The following KCNQ1 variants were observed in gnomAD, a reference collection of about 807,000 sequenced individuals.
KCNQ1 encodes potassium voltage-gated channel subfamily KQT member 1.
A neutral mutation model predicts 72.4 loss-of-function variants in KCNQ1; 49 were observed. The observed-to-expected ratio is 0.68, with a 90% CI of 0.54 to 0.86. The LOEUF (loss-of-function observed/expected upper bound fraction) is 0.86. Ranked by LOEUF, KCNQ1 falls within the 40% of genes least tolerant of loss-of-function variation. KCNQ1 has a pLI of 0.00. For synonymous variants in KCNQ1, 450 were observed against 412.6 expected (o/e 1.09, Z -1.10); for missense variants, 790 against 945.1 (o/e 0.84, Z 2.15).
intron 15 of KCNQ1, among the ~76,000 whole-genome samples, chr11:2,780,013 G>T (rs1846793248): frequency 6.6e-6 from 1 of 152,230 alleles, no homozygotes; most frequent in African/African-American, 2.4e-5. Flanking sequence ...GATTCTGGTA[G>T]ATTCTGCATG....
At chr11:2,758,941 T>G (rs546356658) in intron 11 of KCNQ1, among the ~76,000 whole-genome samples, 1 of 152,252 alleles carries the variant, frequency 6.6e-6, no homozygotes, top group South Asian at 2.1e-4. Context: ...GTCTTTCTGG[T>G]GGGGAGGACT....
chr11:2,751,873 G>C (rs373469909), intron 11 of KCNQ1, among the ~76,000 whole-genome samples: 9 of 152,250 alleles, frequency 5.9e-5, no homozygotes, highest in African/African-American at 2.2e-4. Context: ...GGCCCGGCCA[G>C]CTTTGCCCTA....
Position 2,664,087 on chromosome 11 carries a change from A to G in KCNQ1, c.1514+2006A>G. ...AGTGATAAGTGGGCCCAGGCAGGTC[A>G]GAGACTCCAGTCATTACCCAACCAG... On this transcript the variant is annotated intron_variant, in intron 11 of 15. Transcript: ENST00000155840. This position sits in a 1 kb window ranked among gnomAD's most constrained non-coding sequence, Gnocchi z 5.1. 2.5e-6 allele frequency: 1 copy of G among 398,770 alleles called. No homozygotes were observed. The highest frequency in any genetic ancestry group is 3.6e-5 in the East Asian group (1 of 28,084). 24.7% of individuals were successfully genotyped at this position (398,770 alleles called of 1,614,324 possible).
intron 1 of KCNQ1, among the ~76,000 whole-genome samples, chr11:2,506,915 T>G (rs530923500): frequency 9.8e-4 from 149 of 152,318 alleles, no homozygotes; most frequent in Middle Eastern, 3.4e-3. Context: ...TCCATTGGGT[T>G]TTTGGTTCTT....
Position 2,687,912 on chromosome 11 carries a change from C to T in KCNQ1, c.1514+25831C>T. ...AAATCCTGGTGGGATGGAAAATCCCCAGCAGTTGTGAGGCTGCACTTCTCC... is the reference window on the plus strand; with the variant it reads ...AAATCCTGGTGGGATGGAAAATCCCTAGCAGTTGTGAGGCTGCACTTCTCC... On this transcript the variant is annotated intron_variant, in intron 11 of 15. Transcript: ENST00000155840. This position sits in a 1 kb window ranked among gnomAD's most constrained non-coding sequence, Gnocchi z 5.0. The T allele has an allele frequency of 1.0e-5, 4 of 398,724 alleles. No individual in the cohort carries two copies. Among genetic ancestry groups the T allele is most frequent in the Non-Finnish European group, 1.3e-5 (3 of 226,116 alleles). 24.7% of individuals were successfully genotyped at this position (398,724 alleles called of 1,614,324 possible).
At chr11:2,618,843 G>A (rs534879363) in intron 10 of KCNQ1, 47 of 398,044 alleles carry the variant, frequency 1.2e-4, no homozygotes, top group Non-Finnish European at 1.9e-4. Context: ...TTTGTATCTT[G>A]TTTAATTTCT....
chr11:2,771,232 G>A (rs543379419), intron 12 of KCNQ1: 1 of 152,400 alleles, frequency 6.6e-6, no homozygotes, highest in Non-Finnish European at 1.5e-5. Flanking sequence ...CTAGCTCCAG[G>A]GGTGGTGTGG....
chr11:2,688,584 G>A (rs992780495), intron 11 of KCNQ1: 14 of 398,584 alleles, frequency 3.5e-5, no homozygotes, highest in Non-Finnish European at 4.0e-5. Flanking sequence ...GCCAGTGCTC[G>A]CTCACTGAGG....
chr11:2,839,108 C>T (rs568134700), intron 15 of KCNQ1, among the ~76,000 whole-genome samples: 11 of 152,302 alleles, frequency 7.2e-5, no homozygotes, highest in South Asian at 2.1e-4. Context: ...CTCCTGAGGC[C>T]GGGCTAGGGA....
chr11:2,675,896 A>G, intron 11 of KCNQ1: 1 of 398,690 alleles, frequency 2.5e-6, no homozygotes, highest in Non-Finnish European at 4.4e-6. Context: ...TATGTATTCA[A>G]GGGTTGTGCT....
Position 2,481,127 on chromosome 11 carries a change from C to T in KCNQ1, c.386+35643C>T, listed in dbSNP as rs562497539. On this transcript the variant is annotated intron_variant, in intron 1 of 15. Coordinates refer to ENST00000155840, the MANE Select transcript of KCNQ1 (RefSeq NM_000218.3). The surrounding 1 kb of genome is among the most constrained non-coding windows in gnomAD (Gnocchi z 4.6). ...TGGTCTCTTCTGCAGTGAACTGATG[C>T]GATGTGTGATGTCACTAGTTCTCAT... 2.2e-4 allele frequency among the ~76,000 whole-genome samples: 34 copies of T among 152,272 alleles called. No individual in the cohort carries two copies. The highest frequency in any genetic ancestry group is 3.4e-3 in the Middle Eastern group (1 of 294).
chr11:2,726,141 T>G (rs1029607090), intron 11 of KCNQ1, among the ~76,000 whole-genome samples: 1 of 152,202 alleles, frequency 6.6e-6, no homozygotes, highest in Non-Finnish European at 1.5e-5. Context: ...GAGGACCACC[T>G]GCCTGCTCCA....
chr11:2,634,232 C>A (rs1305242061), intron 10 of KCNQ1: 1 of 390,226 alleles, frequency 2.6e-6, no homozygotes, highest in Non-Finnish European at 4.5e-6. Flanking sequence ...AGGTTTGTTA[C>A]ATATGTATAC....
Position 2,664,545 on chromosome 11 carries a change from G to A in KCNQ1, c.1514+2464G>A, listed in dbSNP as rs1850028713. 2.5e-6 allele frequency: 1 copy of A among 398,774 alleles called. No individual in the cohort carries two copies. The highest frequency in any genetic ancestry group is 3.6e-5 in the East Asian group (1 of 28,072). 24.7% of individuals were successfully genotyped at this position (398,774 alleles called of 1,614,324 possible). ...AGGGCCCAAACCGCCTGGCGGCAGG[G>A]GTGTGGGGGCCGTGCAGGTCTTCTG... is the stretch of plus-strand genomic sequence containing the variant. On this transcript the variant is annotated intron_variant, in intron 11 of 15. Transcript: ENST00000155840. The surrounding 1 kb of genome is among the most constrained non-coding windows in gnomAD (Gnocchi z 5.1).
At position 2,445,321 on chromosome 11, in the gene KCNQ1, G is replaced by T; in HGVS notation, c.223G>T (p.Val75Phe). Residue 75 changes from valine (V) to phenylalanine (F), a missense_variant, in exon 1 of 16, where the codon GTT becomes TTT. Coordinates refer to ENST00000155840, the MANE Select transcript of KCNQ1 (RefSeq NM_000218.3). The stretch of plus-strand genomic sequence containing the variant: ...CCCGGCCGCGCCCGCCGCGCCCCCA[G>T]TTGCCTCCGACCTTGGCCCGCGGCC... ...ASPAAPAAPPVASDLGPRPPV... is the reference protein window; with the variant it reads ...ASPAAPAAPPFASDLGPRPPV... 1 of 1,537,344 alleles carries T rather than the reference G, an allele frequency of 6.5e-7. No individual in the cohort carries two copies. The highest frequency in any genetic ancestry group is 1.4e-5 in the African/African-American group (1 of 71,260).
chr11:2,506,289 A>G (rs1378405377), intron 1 of KCNQ1, among the ~76,000 whole-genome samples: 1 of 152,142 alleles, frequency 6.6e-6, no homozygotes, highest in Non-Finnish European at 1.5e-5. Flanking sequence ...TCCCACCATC[A>G]TTTGTCGAAA....
chr11:2,616,179 G>T (rs1429856942), intron 10 of KCNQ1: 5 of 396,778 alleles, frequency 1.3e-5, no homozygotes, highest in Non-Finnish European at 1.8e-5. Context: ...ATTTCTGTAA[G>T]ATCAGTTATA....
At chr11:2,635,081 G>A (rs1259437965) in intron 10 of KCNQ1, 2 of 152,028 alleles carry the variant, frequency 1.3e-5, no homozygotes, top group Admixed American at 1.3e-4. Flanking sequence ...CTGGATATTA[G>A]CCTTTTATCA....
chr11:2,570,726 C>T lies in KCNQ1; in HGVS notation c.576C>T (p.Arg192=), dbSNP rs762267954. 10 of 1,611,924 alleles carry T rather than the reference C, an allele frequency of 6.2e-6. No homozygotes were observed. The highest frequency in any genetic ancestry group is 7.6e-6 in the Non-Finnish European group (9 of 1,180,006). ...ACGTGGGCCTCTGGGGGCGGCTGCG[C>T]TTTGCCCGGAAGCCCATTTCCATCA... The part of the protein sequence containing the change: ...SKYVGLWGRL[R]FARKPISIID... The change falls in exon 3 of 16, where the codon CGC becomes CGT. Residue 192 remains arginine (R), a synonymous_variant. Coordinates refer to ENST00000155840, the MANE Select transcript of KCNQ1 (RefSeq NM_000218.3).
Sources: allele counts gnomAD v4.1 joint callset (sites outside exome capture counted in the v4.1 genomes callset), GRCh38; gene constraint gnomAD v4.1.1; non-coding constraint Gnocchi (gnomAD v3.1); transcripts MANE v1.5; gene names NCBI Gene and HGNC (gene_info 2026-07-23, HGNC 2026-07-21).